PCDHGB4: variants seen among roughly 807,000 people sequenced by gnomAD.
PCDHGB4 encodes the protein protocadherin gamma subfamily B, 4, also known as protocadherin gamma-B4.
PCDHGB4 carries 38 observed loss-of-function variants against 60.5 expected under a neutral mutation model. That is an observed-to-expected ratio of 0.63 (90% CI 0.48 to 0.82). PCDHGB4 has a LOEUF of 0.82. PCDHGB4 is among the 40% of genes least tolerant of loss of function. The pLI, the probability that PCDHGB4 is intolerant of heterozygous loss-of-function variation, is 0.00. For synonymous variants in PCDHGB4, 456 were observed against 509.7 expected, an observed-to-expected ratio of 0.89 and a Z score of 1.42; for missense variants, 1,109 against 1,209.6, an observed-to-expected ratio of 0.92 and a Z score of 1.23.
chr5:141,456,390 T>G (rs1007800936), intron 1 of PCDHGB4, among the ~76,000 whole-genome samples: 2 of 152,114 alleles, frequency 1.3e-5, no homozygotes, highest in African/African-American at 4.8e-5. Context: ...CGTTTGGAGT[T>G]TGATTGCTTC....
chr5:141,392,683 G>A, intron 1 of PCDHGB4: 1 of 1,058,682 alleles, frequency 9.4e-7, no homozygotes. Context: ...GGACTGCAGC[G>A]AAACCCGACC....
chr5:141,476,509 C>G lies in PCDHGB4; in HGVS notation c.2398-18298C>G. 6.2e-7 allele frequency: 1 copy of G among 1,614,144 alleles called. No individual in the cohort carries two copies. Among genetic ancestry groups the G allele is most frequent in the Non-Finnish European group, 8.5e-7 (1 of 1,180,022 alleles). ...TGGTGATCCAGGACATCAACGACAACAATCCTGCTTTCCCTACCCAGGAAA... is the reference window on the plus strand; with the variant it reads ...TGGTGATCCAGGACATCAACGACAAGAATCCTGCTTTCCCTACCCAGGAAA... On this transcript the variant is annotated intron_variant, in intron 1 of 3. Transcript: ENST00000519479. This position sits in a 1 kb window ranked among gnomAD's most constrained non-coding sequence, Gnocchi z 7.6.
chr5:141,510,854 T>A, intron 3 of PCDHGB4, 93 bp from the exon 4 acceptor site: 1 of 1,602,320 alleles, frequency 6.2e-7, no homozygotes, highest in East Asian at 2.2e-5. Context: ...CCCAGGGTGC[T>A]GTATAGGCAT....
At chr5:141,414,334 AC>A (rs1187631098) in intron 1 of PCDHGB4, 2 of 1,613,782 alleles carry the variant, frequency 1.2e-6, no homozygotes, top group South Asian at 2.2e-5. Context: ...TGGACAGGTA[AC>A]CTGTTCCATT....
At chr5:141,408,342 TG>T in intron 1 of PCDHGB4, 1 of 1,613,856 alleles carries the variant, frequency 6.2e-7, no homozygotes, top group Non-Finnish European at 8.5e-7. Context: ...GGCTCGGTGG[TG>T]GGGAACCTCG....
chr5:141,414,903 C>A, intron 1 of PCDHGB4: 2 of 1,614,218 alleles, frequency 1.2e-6, no homozygotes, highest in Non-Finnish European at 1.7e-6. Flanking sequence ...CAGACGGTTC[C>A]ACAGGCGTGG....
At chr5:141,403,574 C>A (rs1441332710) in intron 1 of PCDHGB4, 1 of 1,613,960 alleles carries the variant, frequency 6.2e-7, no homozygotes, top group Admixed American at 1.7e-5. Flanking sequence ...GGCAACTGCC[C>A]ACCACCTGGT....
At chr5:141,415,458 C>T in intron 1 of PCDHGB4, 5 of 1,614,204 alleles carry the variant, frequency 3.1e-6, no homozygotes, top group Non-Finnish European at 4.2e-6. Flanking sequence ...CCCACGAGGT[C>T]TCTCTCACCG....
intron 1 of PCDHGB4, chr5:141,404,106 C>G: frequency 1.2e-6 from 2 of 1,613,428 alleles, no homozygotes; most frequent in Non-Finnish European, 1.7e-6. Flanking sequence ...GTTGTCTGTT[C>G]TATCCAGGAG....
At chr5:141,470,648 C>T (rs1188305813) in intron 1 of PCDHGB4, among the ~76,000 whole-genome samples, 1 of 152,066 alleles carries the variant, frequency 6.6e-6, no homozygotes, top group Non-Finnish European at 1.5e-5. Context: ...TTTGAAGGCC[C>T]CTACCCTTTG....
intron 1 of PCDHGB4, chr5:141,410,459 A>C (rs2095396770): frequency 6.2e-7 from 1 of 1,613,864 alleles, no homozygotes; most frequent in Admixed American, 1.7e-5. Context: ...TTATTCTTAT[A>C]ATCTGTGCAT....
At chr5:141,488,594 C>T (rs1398982317) in intron 1 of PCDHGB4, among the ~76,000 whole-genome samples, 3 of 152,164 alleles carry the variant, frequency 2.0e-5, no homozygotes, top group African/African-American at 7.2e-5. Context: ...CAGGGCAAGA[C>T]TTTACAAGGT....
intron 1 of PCDHGB4, among the ~76,000 whole-genome samples, chr5:141,430,329 T>G (rs1466381565): frequency 1.3e-5 from 2 of 151,776 alleles, no homozygotes; most frequent in Non-Finnish European, 2.9e-5. Flanking sequence ...AATCATTGTT[T>G]ATAGAAACTT....
Position 141,487,463 on chromosome 5 carries a change from G to T in PCDHGB4, c.2398-7344G>T, listed in dbSNP as rs754798527. 1 of 1,614,136 alleles carries T rather than the reference G, an allele frequency of 6.2e-7. No homozygotes were observed. The highest frequency in any genetic ancestry group is 1.7e-5 in the Admixed American group (1 of 60,016). ...GTCAGATGACCCTATCAAGTTTGTT[G>T]ATGTGGGAGGCCACTCTCATGGCTG... On this transcript the variant is annotated intron_variant, in intron 1 of 3. Coordinates refer to ENST00000519479, the MANE Select transcript of PCDHGB4 (RefSeq NM_003736.4). The surrounding 1 kb of genome is among the most constrained non-coding windows in gnomAD (Gnocchi z 5.0).
At chr5:141,418,746 A>G in intron 1 of PCDHGB4, 1 of 1,613,974 alleles carries the variant, frequency 6.2e-7, no homozygotes, top group Non-Finnish European at 8.5e-7. Context: ...TCTCTGGATT[A>G]CACTACAGGA....
chr5:141,395,748 GA>G (rs1300341557), intron 1 of PCDHGB4: 2 of 152,878 alleles, frequency 1.3e-5, no homozygotes, highest in African/African-American at 4.8e-5. Flanking sequence ...CCTCTTTTCT[GA>G]GCCCTGTTTC....
In PCDHGB4 at chr5:141,432,596, G is replaced by T; in HGVS notation, c.2397+42315G>T. On this transcript the variant is annotated intron_variant, in intron 1 of 3. Transcript: ENST00000519479. This position sits in a 1 kb window ranked among gnomAD's most constrained non-coding sequence, Gnocchi z 6.0. The stretch of plus-strand genomic sequence containing the variant: ...GTCCTACCGTCTGCTCAAGGCCAGC[G>T]AGCCGGGACTCTTCTCGGTGGGTCT... 6.8e-6 allele frequency: 11 copies of T among 1,613,926 alleles called. No individual in the cohort carries two copies. The highest frequency in any genetic ancestry group is 9.3e-6 in the Non-Finnish European group (11 of 1,179,972).
intron 2 of PCDHGB4, among the ~76,000 whole-genome samples, chr5:141,496,468 C>T (rs1410143575): frequency 2.0e-5 from 3 of 152,126 alleles, no homozygotes; most frequent in Non-Finnish European, 4.4e-5. Context: ...AGTTATCTTT[C>T]CCCCATCCTG....
intron 3 of PCDHGB4, among the ~76,000 whole-genome samples, chr5:141,507,500 A>G (rs2099861039): frequency 6.6e-6 from 1 of 152,206 alleles, no homozygotes; most frequent in Admixed American, 6.5e-5. Flanking sequence ...GAGCTGTCCC[A>G]GGTCTGGTGG....
Sources: gnomAD v4.1 joint callset for allele counts (sites outside exome capture counted in the v4.1 genomes callset) on GRCh38, gnomAD v4.1.1 for gene constraint, Gnocchi (gnomAD v3.1) non-coding constraint, MANE v1.5 for transcripts, NCBI Gene and HGNC (gene_info 2026-07-23, HGNC 2026-07-21) for gene names.